Variants in HECW1 observed in about 807,000 individuals in gnomAD.
The protein encoded by HECW1 is HECT, C2 and WW domain containing E3 ubiquitin protein ligase 1.
HECW1 carries 61 observed loss-of-function variants against 182.3 expected under a neutral mutation model. The ratio of observed to expected loss-of-function variants is 0.33; its 90% CI spans 0.27 to 0.41. The LOEUF is 0.41. Among genes scored for constraint, HECW1 ranks in the 10% least tolerant of loss-of-function variants. The pLI is 1.00. For synonymous variants in HECW1, 859 were observed against 832.6 expected (o/e 1.03, Z -0.55); for missense variants, 1,739 against 2,108.9 (o/e 0.82, Z 3.44).
At chr7:43,484,500 A>G (rs1210146549) in intron 17 of HECW1, 1 of 152,338 alleles carries the variant, frequency 6.6e-6, no homozygotes, top group East Asian at 1.9e-4. Context: ...ACTACAACTT[A>G]CAAGTGTGGG....
At chr7:43,306,016 T>C (rs981393118) in intron 3 of HECW1, among the ~76,000 whole-genome samples, 2 of 152,128 alleles carry the variant, frequency 1.3e-5, no homozygotes, top group African/African-American at 4.8e-5. Context: ...CACCTCAGCC[T>C]CCCAAAGTGC....
chr7:43,201,540 A>G (rs1583942407), intron 2 of HECW1, among the ~76,000 whole-genome samples: 1 of 152,218 alleles, frequency 6.6e-6, no homozygotes, highest in Non-Finnish European at 1.5e-5. Flanking sequence ...CAGTAACGGA[A>G]CAGCCAGTGT....
At chr7:43,412,457 A>ATTTT (rs1436188981) in intron 8 of HECW1, among the ~76,000 whole-genome samples, 3 of 135,044 alleles carry the variant, frequency 2.2e-5, no homozygotes, top group Admixed American at 1.5e-4. Flanking sequence ...TTATTTATTT[A>ATTTT]TTTTAATTAT....
chr7:43,469,175 T>C, intron 16 of HECW1, 70 bp downstream of exon 16: 1 of 1,497,120 alleles, frequency 6.7e-7, no homozygotes, highest in Non-Finnish European at 9.2e-7. Context: ...AGCAAGGGCG[T>C]GAGGAGGAGA....
intron 2 of HECW1, among the ~76,000 whole-genome samples, chr7:43,134,279 A>G (rs886802795): frequency 1.3e-5 from 2 of 149,800 alleles, no homozygotes; most frequent in Non-Finnish European, 3.0e-5. Flanking sequence ...CTGTAATCCC[A>G]GCTACTTGGG....
chr7:43,367,591 CTT>C (rs1816807249), intron 6 of HECW1, among the ~76,000 whole-genome samples: 1 of 152,182 alleles, frequency 6.6e-6, no homozygotes, highest in South Asian at 2.1e-4. Context: ...TAAAAGTAAT[CTT>C]GAGTGCTTGA....
At chr7:43,485,082 T>C (rs1291156629) in intron 17 of HECW1, among the ~76,000 whole-genome samples, 1 of 152,214 alleles carries the variant, frequency 6.6e-6, no homozygotes, top group Non-Finnish European at 1.5e-5. Flanking sequence ...TCGTTAGTCA[T>C]AGAAAATTTC....
chr7:43,323,872 T>TA (rs5883860), intron 5 of HECW1, among the ~76,000 whole-genome samples: 69,437 of 151,684 alleles, frequency 0.46, 19,786 homozygotes, highest in African/African-American at 0.81. Context: ...CCATCTCTGC[T>TA]AAAATACAAA....
At chr7:43,523,445 G>C (rs1423375712) in intron 24 of HECW1, among the ~76,000 whole-genome samples, 1 of 152,138 alleles carries the variant, frequency 6.6e-6, no homozygotes, top group African/African-American at 2.4e-5. Context: ...AATTATAAGA[G>C]AGAGCAAAAA....
intron 24 of HECW1, 49 bp downstream of exon 24, chr7:43,509,170 C>G (rs746975717): frequency 1.9e-6 from 3 of 1,588,378 alleles, no homozygotes; most frequent in South Asian, 1.1e-5. Context: ...TCTCCTCTTT[C>G]TTAGTCAGAA....
At chr7:43,433,403 G>A (rs2076612802) in intron 8 of HECW1, among the ~76,000 whole-genome samples, 1 of 152,226 alleles carries the variant, frequency 6.6e-6, no homozygotes, top group Non-Finnish European at 1.5e-5. Flanking sequence ...TCTCAAGGGA[G>A]TCTAATATAG....
rs149520236 is a variant in HECW1, at chr7:43,238,834, C to A, written c.-31-5041C>A. On this transcript the variant is annotated intron_variant, in intron 2 of 29. Coordinates refer to ENST00000395891, the MANE Select transcript of HECW1 (RefSeq NM_015052.5). The stretch of plus-strand genomic sequence containing the variant: ...GGGTTTTTCTGTCATAGAGGAGGGG[C>A]CTGGGAATTTGGAAGGCATTGTAAG... 5.6e-3 allele frequency among the ~76,000 whole-genome samples: 857 copies of A among 151,968 alleles called. 6 individuals carry two copies. Among genetic ancestry groups the A allele is most frequent in the African/African-American group, 0.02 (809 of 41,420 alleles).
At chr7:43,515,108 AT>A (rs1563078346) in intron 24 of HECW1, among the ~76,000 whole-genome samples, 1 of 152,224 alleles carries the variant, frequency 6.6e-6, no homozygotes, top group Non-Finnish European at 1.5e-5. Flanking sequence ...AATGAGAATA[AT>A]TGGCTGGCAG....
Position 43,296,507 on chromosome 7 carries a change from C to T in HECW1, c.28-15256C>T, listed in dbSNP as rs201626599. On this transcript the variant is annotated intron_variant, in intron 3 of 29. Transcript: ENST00000395891. The stretch of plus-strand genomic sequence containing the variant: ...CATGAATGCTCAACTCTGAACTTGG[C>T]GGCGCAGCTGTGGACGCAGCTGCGG... 3.9e-5 allele frequency among the ~76,000 whole-genome samples: 6 copies of T among 152,108 alleles called. No homozygotes were observed. In the East Asian group the frequency reaches 1.2e-3, roughly 29 times the overall value.
intron 3 of HECW1, among the ~76,000 whole-genome samples, chr7:43,247,607 C>T (rs1026734855): frequency 2.0e-5 from 3 of 148,340 alleles, no homozygotes; most frequent in African/African-American, 7.5e-5. Flanking sequence ...CATTGCACTC[C>T]AGCCTAGGCA....
chr7:43,321,538 T>C (rs368265152), intron 5 of HECW1, among the ~76,000 whole-genome samples: 1 of 152,294 alleles, frequency 6.6e-6, no homozygotes, highest in East Asian at 1.9e-4. Context: ...AGTCCACAGC[T>C]CCTTCTCCTC....
chr7:43,460,394 T>C (rs570333546), intron 13 of HECW1, among the ~76,000 whole-genome samples: 1 of 152,336 alleles, frequency 6.6e-6, no homozygotes, highest in East Asian at 1.9e-4. Flanking sequence ...AGCTTTTCTT[T>C]AATAAGGAGT....
intron 3 of HECW1, among the ~76,000 whole-genome samples, chr7:43,292,100 G>T (rs1805468821): frequency 6.6e-6 from 1 of 152,096 alleles, no homozygotes; most frequent in African/African-American, 2.4e-5. Flanking sequence ...CTTACAAAAG[G>T]GTAACAGTTT....
At chr7:43,251,732 A>G (rs908805292) in intron 3 of HECW1, among the ~76,000 whole-genome samples, 2 of 152,136 alleles carry the variant, frequency 1.3e-5, no homozygotes, top group African/African-American at 4.8e-5. Flanking sequence ...TGCTCTGGTT[A>G]TTTCCTCTTT....
Sources: allele counts gnomAD v4.1 joint callset (sites outside exome capture counted in the v4.1 genomes callset), GRCh38; gene constraint gnomAD v4.1.1; transcripts MANE v1.5; gene names NCBI Gene and HGNC (gene_info 2026-07-23, HGNC 2026-07-21).